Variants in ADCY5 observed in about 807,000 individuals in gnomAD.
ADCY5 encodes adenylate cyclase 5, also known as adenylate cyclase type 5.
A neutral mutation model predicts 119.7 loss-of-function variants in ADCY5; 30 were observed. The observed-to-expected ratio is 0.25, with a 90% CI of 0.19 to 0.34. The LOEUF is 0.34. Among genes scored for constraint, ADCY5 ranks in the 10% least tolerant of loss-of-function variants. The probability of loss-of-function intolerance (pLI) is 1.00; values close to 1 mark genes in which losing one functional copy is unlikely to be tolerated. For missense variants in ADCY5, 1,324 were observed against 1,775.2 expected (o/e 0.75, Z 4.57); for synonymous variants, 753 against 762.2 (o/e 0.99, Z 0.20).
At chr3:123,315,910 C>T (rs1425053884) in intron 11 of ADCY5, among the ~76,000 whole-genome samples, 1 of 152,076 alleles carries the variant, frequency 6.6e-6, no homozygotes, top group African/African-American at 2.4e-5. Context: ...GATACTTGTG[C>T]GTCCACATCA....
intron 1 of ADCY5, among the ~76,000 whole-genome samples, chr3:123,433,302 C>T (rs986741756): frequency 2.6e-5 from 4 of 152,118 alleles, no homozygotes; most frequent in African/African-American, 9.7e-5. Context: ...GTACCAGAGC[C>T]AAGACACTTC....
chr3:123,355,933 TA>T (rs1039829420), intron 1 of ADCY5, among the ~76,000 whole-genome samples: 1 of 152,118 alleles, frequency 6.6e-6, no homozygotes, highest in Non-Finnish European at 1.5e-5. Flanking sequence ...CTACAGTAAT[TA>T]AAACAATGTG....
At chr3:123,426,308 T>G (rs551250273) in intron 1 of ADCY5, among the ~76,000 whole-genome samples, 1,128 of 10,368 alleles carry the variant, frequency 0.11, 27 homozygotes, top group African/African-American at 0.16. Context: ...TGTTTTTTTT[T>G]TGTTTGTTTT....
Position 123,448,058 on chromosome 3 carries a change from CG to C in ADCY5, c.487del (p.Arg163GlyfsTer75). 1 of 1,245,936 alleles carries C rather than the reference CG, an allele frequency of 8.0e-7. No homozygotes were observed. Among genetic ancestry groups the C allele is most frequent in the Admixed American group, 3.7e-5 (1 of 27,038 alleles). The allele number at this position is 1,245,936 out of a possible 1,614,324, so 77.2% of individuals were successfully genotyped here. A position where few individuals can be genotyped will look rare whatever the true frequency, so the allele number is the denominator to read the frequency against. On this transcript the variant is annotated frameshift_variant, in exon 1 of 21. Transcript: ENST00000462833. LOFTEE classifies it high-confidence loss of function. Reference sequence around the variant, plus strand: ...GTCGGCCGCGCGCCCCTTGCCCCGCCGCTCCTCCAGACCCACCTCCACCGAG... The same window carrying C: ...GTCGGCCGCGCGCCCCTTGCCCCGCCCTCCTCCAGACCCACCTCCACCGAG... Reference protein sequence around the residue: ...PRSVEVGLEERRGKGRAADEL... With the variant: ...PRSVEVGLEEXRGKGRAADEL...
intron 11 of ADCY5, among the ~76,000 whole-genome samples, chr3:123,317,093 C>T (rs1940950877): frequency 1.3e-5 from 2 of 151,986 alleles, no homozygotes; most frequent in Non-Finnish European, 2.9e-5. Context: ...ACATAAGGCA[C>T]TTATGTTTCT....
rs149478972 is a variant in ADCY5 at position 123,315,167 on chromosome 3, G to A, written c.2355-845C>T. ...TTCAAGGGAGGAAGAGTGGCCTGAC[G>A]AGGCCAGGTGTTGTTATGGGGTTAA... On this transcript the variant is annotated intron_variant, in intron 11 of 20. Coordinates refer to ENST00000462833, the MANE Select transcript of ADCY5 (RefSeq NM_183357.3). 2.7e-3 allele frequency among the ~76,000 whole-genome samples: 417 copies of A among 152,314 alleles called. 2 individuals are homozygous for A. Among genetic ancestry groups the A allele is most frequent in the African/African-American group, 8.8e-3 (366 of 41,572 alleles).
rs1491192654 is a variant in ADCY5, at chr3:123,345,765, G to GACACACACACAC, written c.1406+2016_1406+2017insGTGTGTGTGTGT. On this transcript the variant is annotated intron_variant, in intron 3 of 20. Transcript: ENST00000462833. ...AGACAGACAGACAGACAGACAGACA[G>GACACACACACAC]ACAGACACACACACACACACACACA... Among the ~76,000 whole-genome samples, 182 of 135,410 alleles carry GACACACACACAC rather than the reference G, an allele frequency of 1.3e-3. 1 individual carries two copies. Among genetic ancestry groups the GACACACACACAC allele is most frequent in the African/African-American group, 4.9e-3 (162 of 33,048 alleles). The allele number at this position is 135,410 out of a possible 152,430, so 88.8% of individuals were successfully genotyped here.
At chr3:123,406,175 AAC>A (rs1375176430) in intron 1 of ADCY5, among the ~76,000 whole-genome samples, 4 of 152,352 alleles carry the variant, frequency 2.6e-5, no homozygotes, top group South Asian at 4.1e-4. Flanking sequence ...GGTACTGAAC[AAC>A]CAGAGACAGC....
chr3:123,297,431 G>A (rs370799764), intron 15 of ADCY5, 49 bp from the exon 16 acceptor site: 52 of 1,598,288 alleles, frequency 3.3e-5, no homozygotes, highest in Non-Finnish European at 4.3e-5. Context: ...TTCTGCATAA[G>A]GCGGCCTCCA....
intron 1 of ADCY5, among the ~76,000 whole-genome samples, chr3:123,387,523 T>TAAC (rs1050607914): frequency 2.0e-5 from 3 of 152,030 alleles, no homozygotes; most frequent in Admixed American, 6.6e-5. Context: ...TAGGTGACAG[T>TAAC]AACAACAACA....
chr3:123,319,353 C>CAAA (rs34573753), intron 10 of ADCY5, among the ~76,000 whole-genome samples: 1 of 118,444 alleles, frequency 8.4e-6, no homozygotes, highest in African/African-American at 3.2e-5. Flanking sequence ...AACTCCGTCT[C>CAAA]AAAAAAAAAA....
At chr3:123,305,800 C>T (rs1940167427) in intron 12 of ADCY5, among the ~76,000 whole-genome samples, 1 of 152,208 alleles carries the variant, frequency 6.6e-6, no homozygotes, top group African/African-American at 2.4e-5. Flanking sequence ...GAATCCTCCT[C>T]CACCCTTCCA....
intron 1 of ADCY5, among the ~76,000 whole-genome samples, chr3:123,436,169 T>C (rs1396267178): frequency 3.3e-5 from 5 of 151,630 alleles, no homozygotes; most frequent in Non-Finnish European, 7.4e-5. Flanking sequence ...GCATTATAGG[T>C]GTGAGCCACT....
At chr3:123,289,703 C>T in intron 19 of ADCY5, 47 bp downstream of exon 19, 2 of 1,601,592 alleles carry the variant, frequency 1.2e-6, no homozygotes, top group Non-Finnish European at 8.5e-7. Context: ...TGCCAGCCCT[C>T]TGCCTGACTG....
chr3:123,387,296 G>A (rs1459449418), intron 1 of ADCY5, among the ~76,000 whole-genome samples: 1 of 152,078 alleles, frequency 6.6e-6, no homozygotes, highest in Non-Finnish European at 1.5e-5. Flanking sequence ...TACCTCCTTG[G>A]TGATGTTTGA....
intron 1 of ADCY5, among the ~76,000 whole-genome samples, chr3:123,441,274 C>G (rs1459959756): frequency 3.3e-5 from 5 of 152,190 alleles, no homozygotes; most frequent in African/African-American, 1.2e-4. Flanking sequence ...GCCTGTGAAT[C>G]TGCATTTTTT....
Position 123,447,656 on chromosome 3 carries a change from T to A in ADCY5, c.890A>T (p.His297Leu), listed in dbSNP as rs1945847548. 1.9e-6 allele frequency: 3 copies of A among 1,607,474 alleles called. No homozygotes were observed. Among genetic ancestry groups the A allele is most frequent in the Admixed American group, 1.7e-5 (1 of 59,614 alleles). Residue 297 changes from histidine (H) to leucine (L), a missense_variant, in exon 1 of 21, where the codon CAC (histidine) becomes CTC (leucine). By Grantham distance (99) the His-to-Leu change is moderately conservative (BLOSUM62 -3). Around this residue, in one of 6 missense-constraint regions of ADCY5, gnomAD observed 585 missense variants for 569.9 expected, o/e 1.03. Transcript: ENST00000462833. ...GAGCGCATAGCAGGCCAGGCCCATG[T>A]GGTCCTGGTGGAAGGCGGCGCGGTT... Reference protein sequence around the residue: ...LCNRAAFHQDHMGLACYALIA... With the variant: ...LCNRAAFHQDLMGLACYALIA...
intron 8 of ADCY5, among the ~76,000 whole-genome samples, chr3:123,323,918 G>A (rs944017399): frequency 2.6e-5 from 4 of 152,258 alleles, no homozygotes; most frequent in Admixed American, 2.0e-4. Flanking sequence ...TGGGTACAGA[G>A]TCTGCAGGAG....
At position 123,427,894 on chromosome 3, in the gene ADCY5, T is replaced by G. The variant is rs572574398; in HGVS notation, c.1134+19518A>C. On this transcript the variant is annotated intron_variant, in intron 1 of 20. Coordinates refer to ENST00000462833, the MANE Select transcript of ADCY5 (RefSeq NM_183357.3). ...TGCCTAACACATGGTAGATATTTGT[T>G]AAATAATTCAGCCCAACAATCATTT... Among the ~76,000 whole-genome samples, 3 of 152,346 alleles carry G rather than the reference T, an allele frequency of 2.0e-5. No individual in the cohort carries two copies. The South Asian group carries it at 6.2e-4, about 32-fold the overall frequency.
Sources: allele counts gnomAD v4.1 joint callset (sites outside exome capture counted in the v4.1 genomes callset), GRCh38; gene constraint gnomAD v4.1.1; regional missense constraint gnomAD v4.1.1; transcripts MANE v1.5; gene names NCBI Gene and HGNC (gene_info 2026-07-23, HGNC 2026-07-21).